The following ZBED6 variants were observed in gnomAD, a reference collection of about 807,000 sequenced individuals.
ZBED6 encodes zinc finger BED-type containing 6.
In ZBED6, 40 loss-of-function variants were observed where a neutral mutation model predicts 58.4. The ratio of observed to expected loss-of-function variants is 0.68; its 90% CI spans 0.53 to 0.89. The LOEUF (loss-of-function observed/expected upper bound fraction) is 0.89, where lower values mean the gene tolerates loss of function less well. Ranked by LOEUF, ZBED6 falls within the 40% of genes least tolerant of loss-of-function variation. ZBED6 has a pLI of 0.00. For missense variants in ZBED6, 1,057 were observed against 1,003.9 expected (o/e 1.05, Z -0.71); for synonymous variants, 439 against 350.6 (o/e 1.25, Z -2.82).
At chr1:203,841,301 G>A (rs929971111) in intron 11 of ZBED6, among the ~76,000 whole-genome samples, 4 of 152,102 alleles carry the variant, frequency 2.6e-5, no homozygotes, top group South Asian at 2.1e-4. Context: ...AGGACCCTGC[G>A]GCCTTCTGCA....
At chr1:203,837,784 A>AC (rs1410888122) in intron 9 of ZBED6, among the ~76,000 whole-genome samples, 182 bp from the exon 10 acceptor site, 1 of 151,932 alleles carries the variant, frequency 6.6e-6, no homozygotes, top group Non-Finnish European at 1.5e-5. Flanking sequence ...TGCCTTCCTT[A>AC]CCTCTTTTCT....
exon 17 of ZBED6, chr1:203,852,146 T>C: frequency 6.2e-7 from 1 of 1,613,682 alleles, no homozygotes; most frequent in Non-Finnish European, 8.5e-7. Context: ...TACAGTCTTG[T>C]GCTGCCTCCA....
At chr1:203,841,759 C>G (rs1397846646) in intron 11 of ZBED6, among the ~76,000 whole-genome samples, 2 of 150,474 alleles carry the variant, frequency 1.3e-5, no homozygotes, top group Non-Finnish European at 3.0e-5. Context: ...ACCTCCCAGA[C>G]GGGGCAGTGG....
In ZBED6 at chr1:203,825,076, C is replaced by CAA. The variant is rs61108073; in HGVS notation, c.*2874-3205_*2874-3204dup. 9.5e-3 allele frequency among the ~76,000 whole-genome samples: 1,016 copies of CAA among 107,438 alleles called. 21 individuals are homozygous for CAA. The highest frequency in any genetic ancestry group is 0.011 in the East Asian group (41 of 3,766). The allele number at this position is 107,438 out of a possible 152,430, so 70.5% of individuals were successfully genotyped here. A position where few individuals can be genotyped will look rare whatever the true frequency, so the allele number is the denominator to read the frequency against. On this transcript the variant is annotated intron_variant, in intron 3 of 16. Coordinates refer to ENST00000550078, the Ensembl canonical transcript of ZBED6. ...TGGGCAACAGAGCGAGACTCCGTCT[C>CAA]AAAAAAAAAAAAAAAAAAAGAAAAT...
At chr1:203,852,237 C>T in exon 17 of ZBED6, 1 of 1,613,658 alleles carries the variant, frequency 6.2e-7, no homozygotes, top group East Asian at 2.2e-5. Context: ...CTCGCCGACT[C>T]AGCTCTGCCT....
chr1:203,822,195 G>A (rs992471356), intron 3 of ZBED6, among the ~76,000 whole-genome samples: 4 of 152,016 alleles, frequency 2.6e-5, no homozygotes. Flanking sequence ...GAGAAACTTG[G>A]TTTTCATTGT....
exon 1 of ZBED6, chr1:203,802,238 A>G (rs1302920931): frequency 6.6e-6 from 1 of 152,570 alleles, no homozygotes; most frequent in East Asian, 1.9e-4. Flanking sequence ...ATACATAATG[A>G]TATATGTGTA....
intron 1 of ZBED6, among the ~76,000 whole-genome samples, chr1:203,808,099 T>G (rs543711286): frequency 6.6e-6 from 1 of 152,278 alleles, no homozygotes; most frequent in African/African-American, 2.4e-5. Context: ...TTTTCTTAAG[T>G]TAGAATATTT....
At chr1:203,806,223 C>G (rs1355853758) in intron 1 of ZBED6, 1 of 386,894 alleles carries the variant, frequency 2.6e-6, no homozygotes, top group Non-Finnish European at 5.0e-6. Context: ...TCAGGCTGGG[C>G]AGCGGAGCCT....
intron 3 of ZBED6, among the ~76,000 whole-genome samples, chr1:203,827,398 T>G (rs752517104): frequency 5.0e-4 from 76 of 151,146 alleles, no homozygotes; most frequent in Non-Finnish European, 9.3e-4. Context: ...GTAAGGTGAC[T>G]GGCCGGGTGC....
chr1:203,844,753 A>G (rs1457501470), intron 11 of ZBED6, among the ~76,000 whole-genome samples: 6 of 152,072 alleles, frequency 3.9e-5, no homozygotes, highest in Non-Finnish European at 8.8e-5. Flanking sequence ...GGCTCATACA[A>G]TTGCCACAGT....
intron 2 of ZBED6, among the ~76,000 whole-genome samples, chr1:203,817,938 C>T (rs1178247696): frequency 6.6e-6 from 1 of 151,926 alleles, no homozygotes; most frequent in African/African-American, 2.4e-5. Flanking sequence ...TTAGTACAGA[C>T]AGGGTTTCAC....
At chr1:203,830,190 T>A in exon 7 of ZBED6, 2 of 1,601,804 alleles carry the variant, frequency 1.2e-6, no homozygotes, top group South Asian at 2.2e-5. Flanking sequence ...AGGAAAAATC[T>A]AAGAAGCAAG....
intron 11 of ZBED6, among the ~76,000 whole-genome samples, chr1:203,843,164 T>A (rs540765959): frequency 6.6e-6 from 1 of 152,280 alleles, no homozygotes; most frequent in Admixed American, 6.5e-5. Context: ...CTCTCCCTAG[T>A]ATGCTGCAGG....
intron 11 of ZBED6, 54 bp from the exon 12 acceptor site, chr1:203,847,130 T>C (rs574092138): frequency 3.3e-5 from 53 of 1,585,092 alleles, no homozygotes; most frequent in Admixed American, 5.3e-5. Context: ...AGATCATAAG[T>C]CAGTAAGAGA....
chr1:203,847,495 A>G (rs1251728202), exon 12 of ZBED6: 15 of 1,613,988 alleles, frequency 9.3e-6, no homozygotes, highest in Non-Finnish European at 1.2e-5. Context: ...CATTGTTGCC[A>G]GCAGAGGACA....
At chr1:203,831,539 T>C (rs1682372765) in intron 7 of ZBED6, 122 bp from the exon 8 acceptor site, 1 of 729,748 alleles carries the variant, frequency 1.4e-6, no homozygotes, top group Admixed American at 2.4e-5. Context: ...GAAAGGCTGA[T>C]TGGCTTATAG....
chr1:203,839,308 C>A (rs1685346330), intron 10 of ZBED6, among the ~76,000 whole-genome samples: 1 of 152,196 alleles, frequency 6.6e-6, no homozygotes, highest in South Asian at 2.1e-4. Flanking sequence ...TCCCAAGTAG[C>A]TGGAAGTACA....
chr1:203,800,209 C>T, exon 1 of ZBED6: 4 of 1,477,590 alleles, frequency 2.7e-6, no homozygotes, highest in South Asian at 1.2e-5. Flanking sequence ...AGCATATGGC[C>T]GGCTTTGACC....
Sources: allele counts gnomAD v4.1 joint callset (sites outside exome capture counted in the v4.1 genomes callset), GRCh38; gene constraint gnomAD v4.1.1; transcripts MANE v1.5; gene names NCBI Gene and HGNC (gene_info 2026-07-23, HGNC 2026-07-21).